The following DPP6 variants were observed in gnomAD, a reference collection of about 807,000 sequenced individuals.
DPP6 encodes A-type potassium channel modulatory protein DPP6.
DPP6 carries 69 observed loss-of-function variants against 122.6 expected under a neutral mutation model. The ratio of observed to expected loss-of-function variants is 0.56; its 90% confidence interval spans 0.46 to 0.69. The LOEUF (loss-of-function observed/expected upper bound fraction) is 0.69. DPP6 is among the 30% of genes least tolerant of loss of function. The probability of loss-of-function intolerance (pLI) is 0.00; values close to 1 mark genes in which losing one functional copy is unlikely to be tolerated. For synonymous variants in DPP6, 418 were observed against 433.1 expected, an observed-to-expected ratio of 0.97 and a Z score of 0.43; for missense variants, 928 against 1,116.9, an observed-to-expected ratio of 0.83 and a Z score of 2.41.
intron 1 of DPP6, among the ~76,000 whole-genome samples, chr7:154,172,227 C>T (rs1267953015): frequency 6.6e-6 from 1 of 151,984 alleles, no homozygotes; most frequent in African/African-American, 2.4e-5. Context: ...AGAAATGAAA[C>T]AAGGTTCCTG....
chr7:154,878,008 G>C (rs1411159656), intron 20 of DPP6, among the ~76,000 whole-genome samples: 1 of 152,192 alleles, frequency 6.6e-6, no homozygotes, highest in Non-Finnish European at 1.5e-5. Flanking sequence ...CTTCCTGGGT[G>C]GGGGCACGAG....
intron 22 of DPP6, among the ~76,000 whole-genome samples, chr7:154,886,445 G>A (rs150499626): frequency 6.6e-6 from 1 of 152,328 alleles, no homozygotes; most frequent in East Asian, 1.9e-4. Context: ...GCTGTGTTTG[G>A]GGGTTCCAGG....
chr7:154,091,601 G>A (rs751321337), intron 1 of DPP6, among the ~76,000 whole-genome samples: 10 of 151,774 alleles, frequency 6.6e-5, no homozygotes, highest in Admixed American at 1.3e-4. Flanking sequence ...TTTGCTTGAG[G>A]GACAGAGAGA....
At chr7:154,454,145 T>G (rs1820627088) in intron 2 of DPP6, among the ~76,000 whole-genome samples, 1 of 152,340 alleles carries the variant, frequency 6.6e-6, no homozygotes, top group South Asian at 2.1e-4. Context: ...CCCAACCCAT[T>G]TCATCATGGG....
intron 16 of DPP6, among the ~76,000 whole-genome samples, chr7:154,849,814 C>G (rs532950495): frequency 6.6e-6 from 1 of 152,230 alleles, no homozygotes; most frequent in South Asian, 2.1e-4. Flanking sequence ...CATAGATGGC[C>G]TTTATTGTAT....
At chr7:153,924,436 GA>G (rs1800794601) in intron 1 of DPP6, among the ~76,000 whole-genome samples, 2 of 152,118 alleles carry the variant, frequency 1.3e-5, no homozygotes, top group African/African-American at 2.4e-5. Context: ...AGGTTTAAAT[GA>G]ATTGATATTG....
At chr7:154,644,710 T>C (rs1030660496) in intron 6 of DPP6, among the ~76,000 whole-genome samples, 1 of 150,154 alleles carries the variant, frequency 6.7e-6, no homozygotes, top group African/African-American at 2.4e-5. Context: ...AAATGGCTTT[T>C]TTTTTTTTTT....
chr7:154,876,101 G>C lies in DPP6; in HGVS notation c.2078+1G>C. On this transcript the variant is annotated splice_donor_variant, in intron 20 of 25. Coordinates refer to ENST00000377770, the MANE Select transcript of DPP6 (RefSeq NM_130797.4). LOFTEE classifies it high-confidence loss of function. ...AGAAGGACCAGATGGAGGCCGTGCG[G>C]TGAGCACCCGCCCAGGAAGCAGGAG... is the stretch of plus-strand genomic sequence containing the variant. The C allele has an allele frequency of 6.3e-7, 1 of 1,578,736 alleles. No homozygotes were observed. The highest frequency in any genetic ancestry group is 8.6e-7 in the Non-Finnish European group (1 of 1,161,776).
intron 7 of DPP6, among the ~76,000 whole-genome samples, chr7:154,685,547 GA>G (rs1394947591): frequency 6.6e-6 from 1 of 152,146 alleles, no homozygotes; most frequent in Admixed American, 6.5e-5. Context: ...GGGACTGGAT[GA>G]CCTCTTTAAT....
At chr7:154,839,151 G>T (rs1413458767) in intron 16 of DPP6, among the ~76,000 whole-genome samples, 1 of 152,206 alleles carries the variant, frequency 6.6e-6, no homozygotes, top group Non-Finnish European at 1.5e-5. Context: ...GAAGGGTTAG[G>T]AGGGCATGGC....
chr7:154,280,863 ACCATTGTTATC>A (rs1804457034), intron 1 of DPP6, among the ~76,000 whole-genome samples: 1 of 152,198 alleles, frequency 6.6e-6, no homozygotes, highest in Admixed American at 6.5e-5. Flanking sequence ...CCACGAGGTA[ACCATTGTTATC>A]CCATTTTTCC....
chr7:154,247,403 A>G (rs954984565), intron 1 of DPP6, among the ~76,000 whole-genome samples: 2 of 152,220 alleles, frequency 1.3e-5, no homozygotes, highest in Non-Finnish European at 2.9e-5. Flanking sequence ...CAATATATAA[A>G]TATTCCTACA....
At chr7:153,837,661 C>A in the DPP6 span, among the ~76,000 whole-genome samples, 1 of 151,730 alleles carries the variant, frequency 6.6e-6, no homozygotes, top group Non-Finnish European at 1.5e-5. Context: ...ATAACAATGC[C>A]CTTTTCCAGA....
chr7:153,884,113 A>AGGGTGCAGTTT (rs1798830159), upstream of DPP6, among the ~76,000 whole-genome samples: 1 of 152,084 alleles, frequency 6.6e-6, no homozygotes. Flanking sequence ...TGCACCCATT[A>AGGGTGCAGTTT]ACTCGTCATT....
At chr7:154,791,756 G>A (rs1220088217) in intron 10 of DPP6, among the ~76,000 whole-genome samples, 1 of 152,198 alleles carries the variant, frequency 6.6e-6, no homozygotes, top group Non-Finnish European at 1.5e-5. Context: ...GCTTTAAGCA[G>A]GAACAGTACT....
intron 1 of DPP6, among the ~76,000 whole-genome samples, chr7:154,246,770 C>A (rs1380175548): frequency 6.6e-6 from 1 of 151,998 alleles, no homozygotes; most frequent in Non-Finnish European, 1.5e-5. Context: ...GTAGGAAGGC[C>A]TAGATGAAAT....
rs61154959 is a variant in DPP6, at chr7:154,867,857, T to G, written c.1715-138T>G. 209,998 of 1,202,454 alleles carry G rather than the reference T, an allele frequency of 0.17. 30,627 individuals carry two copies. Among genetic ancestry groups the G allele is most frequent in the African/African-American group, 0.73 (47,341 of 64,454 alleles). 74.5% of individuals were successfully genotyped at this position (1,202,454 alleles called of 1,614,324 possible). ...GTGTTTTTTAATGCCCAGTTTCTTT[T>G]TCTGTACACTAGAAATAATAATAAT... is the stretch of plus-strand genomic sequence containing the variant. On this transcript the variant is annotated intron_variant, in intron 17 of 25. Coordinates refer to ENST00000377770, the MANE Select transcript of DPP6 (RefSeq NM_130797.4).
chr7:154,680,859 C>T (rs748968919), intron 7 of DPP6, among the ~76,000 whole-genome samples: 14 of 152,042 alleles, frequency 9.2e-5, no homozygotes, highest in Non-Finnish European at 1.8e-4. Flanking sequence ...ATCACAGTGC[C>T]GTTAATTCCA....
chr7:154,804,779 G>C, intron 14 of DPP6, 138 bp from the exon 15 acceptor site: 1 of 1,218,766 alleles, frequency 8.2e-7, no homozygotes, highest in Non-Finnish European at 1.2e-6. Flanking sequence ...GGTGTAGCTG[G>C]ACCTGAACAG....
Sources: allele counts gnomAD v4.1 joint callset (sites outside exome capture counted in the v4.1 genomes callset), GRCh38; gene constraint gnomAD v4.1.1; transcripts MANE v1.5; gene names NCBI Gene and HGNC (gene_info 2026-07-23, HGNC 2026-07-21).